CSMD3: variants seen among roughly 807,000 people sequenced by gnomAD.
The protein encoded by CSMD3 is CUB and sushi domain-containing protein 3.
In CSMD3, 177 loss-of-function variants were observed where a neutral mutation model predicts 435.2. The ratio of observed to expected loss-of-function variants is 0.41; its 90% CI spans 0.36 to 0.46. The LOEUF (loss-of-function observed/expected upper bound fraction) is 0.46. Ranked by LOEUF, CSMD3 falls within the 20% of genes least tolerant of loss-of-function variation. The pLI is 0.34. For missense variants in CSMD3, 4,265 were observed against 4,504.6 expected, an observed-to-expected ratio of 0.95 and a Z score of 1.52; for synonymous variants, 1,656 against 1,520.5, an observed-to-expected ratio of 1.09 and a Z score of -2.07.
At chr8:112,235,265 T>C (rs1563668149) in intron 67 of CSMD3, among the ~76,000 whole-genome samples, 1 of 152,056 alleles carries the variant, frequency 6.6e-6, no homozygotes, top group African/African-American at 2.4e-5. Flanking sequence ...GCACCTGTAG[T>C]CCCAGCTGCT....
intron 54 of CSMD3, 146 bp downstream of exon 54, chr8:112,295,687 T>A: frequency 1.5e-6 from 1 of 659,850 alleles, no homozygotes; most frequent in Non-Finnish European, 2.7e-6. Flanking sequence ...TAAAGACTTT[T>A]GCATAGCAGT....
chr8:112,804,952 C>T (rs2079049137), intron 12 of CSMD3, among the ~76,000 whole-genome samples: 1 of 152,086 alleles, frequency 6.6e-6, no homozygotes, highest in Admixed American at 6.6e-5. Context: ...TGTGCATTTT[C>T]TAGTAGTTGC....
At chr8:112,453,980 C>G (rs914050970) in intron 32 of CSMD3, among the ~76,000 whole-genome samples, 5 of 151,742 alleles carry the variant, frequency 3.3e-5, no homozygotes, top group African/African-American at 1.2e-4. Context: ...CCAAAGTCGA[C>G]AATAATAATC....
chr8:112,501,038 G>A (rs1271005669), intron 30 of CSMD3, among the ~76,000 whole-genome samples: 1 of 152,050 alleles, frequency 6.6e-6, no homozygotes, highest in African/African-American at 2.4e-5. Flanking sequence ...GCAGTCAACA[G>A]TGGGCTGGCT....
intron 8 of CSMD3, among the ~76,000 whole-genome samples, chr8:112,953,074 G>T (rs2130824174): frequency 6.6e-6 from 1 of 151,524 alleles, no homozygotes; most frequent in Admixed American, 6.6e-5. Context: ...ACATTTGGAA[G>T]TTTGAACCAT....
intron 36 of CSMD3, among the ~76,000 whole-genome samples, 186 bp from the exon 37 acceptor site, chr8:112,383,849 A>G (rs1829699350): frequency 1.3e-5 from 2 of 152,170 alleles, no homozygotes; most frequent in South Asian, 2.1e-4. Context: ...GCTGATTTTT[A>G]TATAGAAAAG....
intron 4 of CSMD3, among the ~76,000 whole-genome samples, chr8:113,119,614 G>C (rs1180138322): frequency 6.6e-6 from 1 of 152,134 alleles, no homozygotes; most frequent in Non-Finnish European, 1.5e-5. Flanking sequence ...ACTTTTTCTA[G>C]AAAGTCCTTC....
At chr8:112,234,081 GCA>G (rs112920726) in intron 68 of CSMD3, among the ~76,000 whole-genome samples, 4,726 of 149,380 alleles carry the variant, frequency 0.032, 114 homozygotes, top group Non-Finnish European at 0.052. Context: ...ATGCAGATCA[GCA>G]CACACACACA....
chr8:113,285,675 T>C (rs528469255), intron 2 of CSMD3, among the ~76,000 whole-genome samples: 31 of 152,320 alleles, frequency 2.0e-4, no homozygotes, highest in South Asian at 1.0e-3. Flanking sequence ...CCTGGAATCA[T>C]GCAATATAAA....
chr8:113,311,928 A>G (rs2093872409), intron 2 of CSMD3: 1 of 152,132 alleles, frequency 6.6e-6, no homozygotes, highest in Non-Finnish European at 1.5e-5. Flanking sequence ...ATGTATGAAT[A>G]TAGTCTATAA....
chr8:112,900,174 AT>A (rs1317317460), intron 10 of CSMD3, among the ~76,000 whole-genome samples: 9 of 151,160 alleles, frequency 6.0e-5, no homozygotes, highest in African/African-American at 2.2e-4. Context: ...CTGAGGAGGA[AT>A]TTAGTGCCCT....
intron 32 of CSMD3, among the ~76,000 whole-genome samples, chr8:112,413,493 T>A (rs187968457): frequency 7.7e-4 from 117 of 152,250 alleles, no homozygotes; most frequent in African/African-American, 1.8e-3. Context: ...CAAATGTAAA[T>A]CAATAAATGA....
intron 13 of CSMD3, among the ~76,000 whole-genome samples, chr8:112,790,689 A>G (rs1197023593): frequency 6.6e-6 from 1 of 152,080 alleles, no homozygotes; most frequent in African/African-American, 2.4e-5. Flanking sequence ...CAAACCTTCA[A>G]CTCTGCAGAG....
intron 20 of CSMD3, among the ~76,000 whole-genome samples, 158 bp from the exon 21 acceptor site, chr8:112,639,069 C>A (rs2074744302): frequency 6.6e-6 from 1 of 151,808 alleles, no homozygotes; most frequent in Admixed American, 6.6e-5. Flanking sequence ...TTATATTATT[C>A]TTTTTGTGTG....
At chr8:112,294,733 T>A (rs1377846238) in intron 54 of CSMD3, among the ~76,000 whole-genome samples, 2 of 152,140 alleles carry the variant, frequency 1.3e-5, no homozygotes, top group African/African-American at 4.8e-5. Context: ...TCTTCATCTG[T>A]GAATTCATAT....
intron 4 of CSMD3, among the ~76,000 whole-genome samples, chr8:113,118,974 A>G (rs928560654): frequency 9.2e-5 from 14 of 152,122 alleles, no homozygotes; most frequent in South Asian, 2.1e-4. Context: ...TAAGAGTAGT[A>G]AGAAGAGAAT....
chr8:112,569,002 T>G (rs898078982), intron 24 of CSMD3, among the ~76,000 whole-genome samples: 1 of 152,144 alleles, frequency 6.6e-6, no homozygotes, highest in Non-Finnish European at 1.5e-5. Flanking sequence ...AACCAATTAT[T>G]TAGTCTTCCA....
intron 27 of CSMD3, among the ~76,000 whole-genome samples, chr8:112,527,084 T>C: frequency 6.6e-6 from 1 of 151,656 alleles, no homozygotes; most frequent in East Asian, 1.9e-4. Flanking sequence ...AGCAATATGG[T>C]AGACAAACTT....
chr8:112,601,747 G>A (rs1832369716), intron 22 of CSMD3, among the ~76,000 whole-genome samples: 1 of 152,112 alleles, frequency 6.6e-6, no homozygotes, highest in African/African-American at 2.4e-5. Flanking sequence ...GGGGAAAAAG[G>A]GAAAGGCAGG....
Sources: allele counts gnomAD v4.1 joint callset (sites outside exome capture counted in the v4.1 genomes callset), GRCh38; gene constraint gnomAD v4.1.1; transcripts MANE v1.5; gene names NCBI Gene and HGNC (gene_info 2026-07-23, HGNC 2026-07-21).